NAV2: variants seen among roughly 807,000 people sequenced by gnomAD.
NAV2 encodes the protein neuron navigator 2.
NAV2 carries 54 observed loss-of-function variants against 223.2 expected under a neutral mutation model. The observed-to-expected ratio is 0.24, with a 90% CI of 0.19 to 0.30. The LOEUF (loss-of-function observed/expected upper bound fraction) is 0.30, where lower values mean the gene tolerates loss of function less well. Among genes scored for constraint, NAV2 ranks in the 10% least tolerant of loss-of-function variants. NAV2 has a pLI of 1.00. For synonymous variants in NAV2, 1,279 were observed against 1,239.3 expected (o/e 1.03, Z -0.67); for missense variants, 2,806 against 3,147.5 (o/e 0.89, Z 2.60).
chr11:19,736,757 G>T (rs1027780368), intron 1 of NAV2, among the ~76,000 whole-genome samples: 14 of 152,172 alleles, frequency 9.2e-5, no homozygotes, highest in African/African-American at 3.4e-4. Context: ...CAACTCTGCT[G>T]TTCTACATGT....
chr11:20,114,583 T>C lies in NAV2; in HGVS notation c.6961-9T>C, dbSNP rs1212666998. 1.9e-6 allele frequency: 3 copies of C among 1,613,748 alleles called. No individual in the cohort carries two copies. The highest frequency in any genetic ancestry group is 1.7e-5 in the Admixed American group (1 of 60,028). ...ACTTCCAGACTGTTCCTTCTTTGCC[T>C]GTTTTCAGCTCTATGGAAGGCGCGC... On this transcript the variant is annotated splice_polypyrimidine_tract_variant and intron_variant, in intron 36 of 37. Transcript: ENST00000349880.
intron 1 of NAV2, among the ~76,000 whole-genome samples, chr11:19,802,064 A>T (rs1420408736): frequency 1.3e-5 from 2 of 152,128 alleles, no homozygotes; most frequent in Non-Finnish European, 2.9e-5. Context: ...CTCTTTTATG[A>T]TATTATGACT....
At chr11:19,539,595 A>T (rs937089955) in intron 1 of NAV2, among the ~76,000 whole-genome samples, 1 of 152,206 alleles carries the variant, frequency 6.6e-6, no homozygotes, top group East Asian at 1.9e-4. Flanking sequence ...AATGTGCAAA[A>T]GAGTCCAAAT....
chr11:20,052,481 T>C (rs1431611244), intron 17 of NAV2, among the ~76,000 whole-genome samples: 17 of 152,258 alleles, frequency 1.1e-4, no homozygotes, highest in Admixed American at 1.1e-3. Context: ...CCATGCCAGA[T>C]GCTTAAATCA....
At chr11:19,371,559 C>G (rs560856171) in intron 1 of NAV2, among the ~76,000 whole-genome samples, 1 of 152,202 alleles carries the variant, frequency 6.6e-6, no homozygotes, top group Admixed American at 6.5e-5. Context: ...TTGTTTGTTA[C>G]CATAATTCTA....
chr11:19,438,429 C>T (rs2133670042), intron 1 of NAV2, among the ~76,000 whole-genome samples: 1 of 152,338 alleles, frequency 6.6e-6, no homozygotes, highest in African/African-American at 2.4e-5. Context: ...TCCTGGGGAA[C>T]TTATTCTGTA....
chr11:20,062,475 G>A, intron 20 of NAV2, 116 bp downstream of exon 20: 5 of 739,992 alleles, frequency 6.8e-6, no homozygotes, highest in Non-Finnish European at 1.1e-5. Flanking sequence ...CATTATAAGG[G>A]GATCAATTAA....
At chr11:20,070,886 C>G (rs1396016231) in intron 22 of NAV2, among the ~76,000 whole-genome samples, 2 of 152,122 alleles carry the variant, frequency 1.3e-5, no homozygotes, top group Non-Finnish European at 2.9e-5. Flanking sequence ...ATCTCCAGAG[C>G]AAATGTGTTT....
In NAV2 at chr11:20,080,126, T is replaced by G; in HGVS notation, c.5242T>G (p.Ser1748Ala). The change falls in exon 25 of 38, where the codon TCC (serine) becomes GCC (alanine). Residue 1748 changes from serine (S) to alanine (A), a missense_variant. Around this residue, in one of 4 missense-constraint regions of NAV2, gnomAD observed 824 missense variants for 1,069.4 expected, o/e 0.77. Coordinates refer to ENST00000349880, the MANE Select transcript of NAV2 (RefSeq NM_145117.5). ...CAGGCAGCACTCCTCAGACAGCGTC[T>G]CCAGCATCAACAGTGCCACCAGCCA... ...IRRQHSSDSV[S>A]SINSATSHSS... is the part of the protein sequence containing the mutation. 3 of 1,614,058 alleles carry G rather than the reference T, an allele frequency of 1.9e-6. No individual in the cohort carries two copies. Among genetic ancestry groups the G allele is most frequent in the Non-Finnish European group, 2.5e-6 (3 of 1,179,996 alleles).
At chr11:19,471,353 C>A (rs553816978) in intron 1 of NAV2, among the ~76,000 whole-genome samples, 3 of 152,266 alleles carry the variant, frequency 2.0e-5, no homozygotes, top group Non-Finnish European at 4.4e-5. Context: ...TTATAATGCC[C>A]TTAGCCAGTG....
At position 19,770,632 on chromosome 11, in the gene NAV2, T is replaced by G. The variant is rs138751895; in HGVS notation, c.267+56670T>G. ...TCTTGGGATATATGCCCTGGGTTGC[T>G]TGGGACCAGTTTGTCTGCTTGAATA... On this transcript the variant is annotated intron_variant, in intron 1 of 37. Coordinates refer to ENST00000349880, the MANE Select transcript of NAV2 (RefSeq NM_145117.5). Among the ~76,000 whole-genome samples, 657 of 152,314 alleles carry G rather than the reference T, an allele frequency of 4.3e-3. 5 individuals are homozygous for G. The highest frequency in any genetic ancestry group is 0.011 in the Admixed American group (174 of 15,296).
chr11:19,717,073 T>C (rs1356536045), intron 1 of NAV2, among the ~76,000 whole-genome samples: 1 of 152,118 alleles, frequency 6.6e-6, no homozygotes, highest in Non-Finnish European at 1.5e-5. Context: ...CAGGCCCTGA[T>C]TTATAAGACC....
chr11:19,706,193 C>A (rs1176648658), intron 1 of NAV2, among the ~76,000 whole-genome samples: 1 of 152,146 alleles, frequency 6.6e-6, no homozygotes, highest in Admixed American at 6.6e-5. Flanking sequence ...AAATAAGAAT[C>A]CTTTTCTTCT....
At chr11:19,352,341 C>A (rs1853375796) in intron 1 of NAV2, among the ~76,000 whole-genome samples, 1 of 152,204 alleles carries the variant, frequency 6.6e-6, no homozygotes, top group Admixed American at 6.5e-5. Flanking sequence ...GTTTGGTATC[C>A]AGACACTTAG....
intron 1 of NAV2, among the ~76,000 whole-genome samples, chr11:19,474,082 G>T (rs1006159307): frequency 3.9e-5 from 6 of 152,110 alleles, no homozygotes; most frequent in African/African-American, 1.4e-4. Flanking sequence ...GGTCTTCATT[G>T]CTCTGTGCCA....
intron 1 of NAV2, among the ~76,000 whole-genome samples, chr11:19,559,682 G>A (rs554798110): frequency 1.7e-4 from 26 of 152,288 alleles, no homozygotes; most frequent in Non-Finnish European, 3.2e-4. Context: ...TTCAAGAAGC[G>A]TCTATTGATG....
intron 1 of NAV2, among the ~76,000 whole-genome samples, chr11:19,719,313 G>A (rs1477076008): frequency 6.6e-6 from 1 of 152,120 alleles, no homozygotes; most frequent in Non-Finnish European, 1.5e-5. Context: ...AATGGAAAAC[G>A]GTCTGTGCAT....
intron 1 of NAV2, among the ~76,000 whole-genome samples, chr11:19,661,522 G>GA (rs905901992): frequency 9.9e-5 from 7 of 70,354 alleles, no homozygotes; most frequent in Admixed American, 2.2e-4. Flanking sequence ...AGGTGTAAAG[G>GA]AAAAAAAAAT....
intron 19 of NAV2, among the ~76,000 whole-genome samples, chr11:20,057,106 G>A (rs1308585744): frequency 6.6e-6 from 1 of 152,112 alleles, no homozygotes; most frequent in Non-Finnish European, 1.5e-5. Context: ...TGAAAAAGCA[G>A]AATGTGGAGG....
Sources: allele counts gnomAD v4.1 joint callset (sites outside exome capture counted in the v4.1 genomes callset), GRCh38; gene constraint gnomAD v4.1.1; regional missense constraint gnomAD v4.1.1; transcripts MANE v1.5; gene names NCBI Gene and HGNC (gene_info 2026-07-23, HGNC 2026-07-21).